The following TRPM1 variants were observed in gnomAD, a reference collection of about 807,000 sequenced individuals.
TRPM1 encodes the protein transient receptor potential cation channel subfamily M member 1.
TRPM1 carries 113 observed loss-of-function variants against 149.4 expected under a neutral mutation model. The observed-to-expected ratio is 0.76, with a 90% CI of 0.65 to 0.88. The LOEUF (loss-of-function observed/expected upper bound fraction) is 0.88. TRPM1 is among the 40% of genes least tolerant of loss of function. The probability of loss-of-function intolerance (pLI) is 0.00; values close to 1 mark genes in which losing one functional copy is unlikely to be tolerated. For missense variants in TRPM1, 1,976 were observed against 2,038.7 expected (o/e 0.97, Z 0.59); for synonymous variants, 741 against 759.5 (o/e 0.98, Z 0.40).
chr15:31,134,236 GT>G (rs1364899518), intron 1 of TRPM1, among the ~76,000 whole-genome samples: 1 of 152,188 alleles, frequency 6.6e-6, no homozygotes, highest in East Asian at 1.9e-4. Context: ...AATCATCTAT[GT>G]TCTAAAATGC....
At chr15:31,070,333 C>T (rs2034505608) in intron 3 of TRPM1, 107 bp from the exon 4 acceptor site, 2 of 1,056,688 alleles carry the variant, frequency 1.9e-6, no homozygotes, top group Admixed American at 1.7e-5. Flanking sequence ...AAACAGGAGC[C>T]TACTAACACT....
chr15:31,084,676 C>CTTTTT (rs59470983), intron 1 of TRPM1, among the ~76,000 whole-genome samples: 2 of 128,486 alleles, frequency 1.6e-5, no homozygotes, highest in African/African-American at 3.0e-5. Context: ...TTTTTCTTTT[C>CTTTTT]TTTTTTTTTT....
At chr15:31,016,482 C>T (rs569669900) in intron 27 of TRPM1, among the ~76,000 whole-genome samples, 1 of 152,192 alleles carries the variant, frequency 6.6e-6, no homozygotes, top group South Asian at 2.1e-4. Context: ...AATAGCTCCA[C>T]TAGGTTTTTA....
At chr15:31,093,025 C>T (rs1476207097) in intron 1 of TRPM1, among the ~76,000 whole-genome samples, 2 of 152,144 alleles carry the variant, frequency 1.3e-5, no homozygotes, top group African/African-American at 2.4e-5. Context: ...CTTTGGGAGG[C>T]TGAGGCGGGT....
In TRPM1 at chr15:31,040,345, C is replaced by A; in HGVS notation, c.2089G>T (p.Asp697Tyr). The A allele has an allele frequency of 6.2e-7, 1 of 1,614,122 alleles. No individual in the cohort carries two copies. ...AACTCCAAAGCAAGCTGGCCGAAGT[C>A]TCTGGGGGGAAAGAGAAGGGACCAG... is the stretch of plus-strand genomic sequence containing the variant. ...ISQDLDNNSK[D>Y]FGQLALELLD... Residue 697 changes from aspartate (D) to tyrosine (Y), a missense_variant and splice_region_variant, in exon 18 of 28, where the codon GAC (aspartate) becomes TAC (tyrosine). By Grantham distance (160) the Asp-to-Tyr change is radical. Transcript: ENST00000256552. This position sits in a 1 kb window ranked among gnomAD's most constrained non-coding sequence, Gnocchi z 4.2.
At chr15:31,101,859 C>T, upstream of TRPM1, 1 of 342,496 alleles carries the variant, frequency 2.9e-6, no homozygotes, top group Non-Finnish European at 4.1e-6. Flanking sequence ...AAAAGGAAGC[C>T]AGGGCCCCAA....
intron 1 of TRPM1, among the ~76,000 whole-genome samples, chr15:31,095,685 A>AAAAT (rs748027385): frequency 8.4e-4 from 127 of 151,726 alleles, no homozygotes; most frequent in Non-Finnish European, 1.4e-3. Context: ...ACTCCATTTG[A>AAAAT]AAATAAATAA....
chr15:31,067,208 T>C (rs747330168), intron 5 of TRPM1, 21 bp from the exon 6 acceptor site: 7 of 1,614,000 alleles, frequency 4.3e-6, no homozygotes, highest in Non-Finnish European at 5.9e-6. Flanking sequence ...CCATTGGTCA[T>C]ATTTTAGGCT....
chr15:31,038,116 G>A lies in TRPM1; in HGVS notation c.2367C>T (p.Arg789=). 6.2e-7 allele frequency: 1 copy of A among 1,614,006 alleles called. No homozygotes were observed. The highest frequency in any genetic ancestry group is 8.5e-7 in the Non-Finnish European group (1 of 1,179,916). Residue 789 remains arginine (R), a synonymous_variant, in exon 19 of 28, where the codon CGC becomes CGT. Coordinates refer to ENST00000256552, the MANE Select transcript of TRPM1 (RefSeq NM_001252024.2). ...LPPTILFLEF[R]TYDDFSYQTS... is the part of the protein sequence containing the mutation. The stretch of plus-strand genomic sequence containing the variant: ...TTTGATACGAGAAATCATCATATGT[G>A]CGAAATTCCAAAAACAAGATGGTGG...
Position 31,113,888 on chromosome 15 carries a change from T to C in TRPM1, c.55-36904A>G, listed in dbSNP as rs749311767. On this transcript the variant is annotated intron_variant, in intron 1 of 26. Coordinates refer to the TRPM1 transcript ENST00000542188. The stretch of plus-strand genomic sequence containing the variant: ...TGGAAGGGTACCGAGCAAATTGACT[T>C]TGCTGGCTAACGGGTGGGCAGCTTT... Among the ~76,000 whole-genome samples, 8 of 152,180 alleles carry C rather than the reference T, an allele frequency of 5.3e-5. 1 individual carries two copies. The South Asian group carries it at 6.2e-4, about 12-fold the overall frequency.
chr15:31,072,016 T>TAGAGAGAGAG (rs1443932287), intron 3 of TRPM1, among the ~76,000 whole-genome samples: 8 of 30,676 alleles, frequency 2.6e-4, no homozygotes, highest in African/African-American at 9.4e-4. Context: ...TATATATATA[T>TAGAGAGAGAG]ATAGAGAGAG....
At chr15:31,077,621 C>A (rs1385938730) in intron 2 of TRPM1, among the ~76,000 whole-genome samples, 2 of 152,086 alleles carry the variant, frequency 1.3e-5, no homozygotes, top group African/African-American at 4.8e-5. Context: ...GGGGCAGGGG[C>A]CTCGGGGATC....
At chr15:31,049,093 G>A (rs909975426) in intron 13 of TRPM1, among the ~76,000 whole-genome samples, 4 of 152,134 alleles carry the variant, frequency 2.6e-5, no homozygotes, top group African/African-American at 9.7e-5. Context: ...TGGGGAGCTA[G>A]ATTCCCTCTT....
intron 27 of TRPM1, among the ~76,000 whole-genome samples, chr15:31,025,635 C>A (rs1365821935): frequency 6.6e-6 from 1 of 152,144 alleles, no homozygotes; most frequent in East Asian, 1.9e-4. Context: ...GACACCTCAC[C>A]CCCCACCCTG....
At chr15:31,160,879 C>T (rs553229991) in intron 1 of TRPM1, 16 of 1,535,050 alleles carry the variant, frequency 1.0e-5, no homozygotes, top group Admixed American at 2.0e-5. Flanking sequence ...CCCAGCTGCC[C>T]GCAGGCCACT....
At chr15:31,012,067 T>C (rs1404019296) in intron 27 of TRPM1, among the ~76,000 whole-genome samples, 1 of 152,234 alleles carries the variant, frequency 6.6e-6, no homozygotes, top group Non-Finnish European at 1.5e-5. Flanking sequence ...CTTTGTACAT[T>C]GTGTACCCAT....
Position 31,002,597 on chromosome 15 carries a change from A to G in TRPM1, c.4103T>C (p.Leu1368Ser). Residue 1368 changes from leucine (L) to serine (S), a missense_variant, in exon 28 of 28, where the codon TTA becomes TCA. Leu to Ser is a moderately radical substitution (Grantham distance 145). Transcript: ENST00000256552. ...TAATTTTGACTCTTCAGCGTTCTTTAAGTCATCTACTGCAAGGTGACTGCC... is the reference window on the plus strand; with the variant it reads ...TAATTTTGACTCTTCAGCGTTCTTTGAGTCATCTACTGCAAGGTGACTGCC... The part of the protein sequence containing the change: ...PDGSHLAVDD[L>S]KNAEESKLGP... 1 of 1,614,090 alleles carries G rather than the reference A, an allele frequency of 6.2e-7. No individual in the cohort carries two copies. The highest frequency in any genetic ancestry group is 8.5e-7 in the Non-Finnish European group (1 of 1,180,008).
chr15:31,083,477 C>T (rs1191695054), intron 1 of TRPM1, among the ~76,000 whole-genome samples: 1 of 152,218 alleles, frequency 6.6e-6, no homozygotes, highest in Admixed American at 6.5e-5. Flanking sequence ...GCCCTGACAG[C>T]TCCCTGGGAC....
chr15:31,112,427 G>T (rs375918445), intron 1 of TRPM1, among the ~76,000 whole-genome samples: 3 of 152,152 alleles, frequency 2.0e-5, no homozygotes, highest in Non-Finnish European at 4.4e-5. Context: ...GTGGTGAGCC[G>T]AGATCGTGCC....
Sources: allele counts gnomAD v4.1 joint callset (sites outside exome capture counted in the v4.1 genomes callset), GRCh38; gene constraint gnomAD v4.1.1; non-coding constraint Gnocchi (gnomAD v3.1); transcripts MANE v1.5; gene names NCBI Gene and HGNC (gene_info 2026-07-23, HGNC 2026-07-21).